Variants in KPNA1 observed in about 807,000 individuals in gnomAD.
KPNA1 encodes karyopherin subunit alpha 1, also known as importin subunit alpha-5.
Under a neutral mutation model 70.5 loss-of-function variants are expected in KPNA1, and 10 were observed. That is an observed-to-expected ratio of 0.14 (90% confidence interval 0.09 to 0.24). The LOEUF (loss-of-function observed/expected upper bound fraction) is 0.24, where lower values mean the gene tolerates loss of function less well. Ranked by LOEUF, KPNA1 falls within the 10% of genes least tolerant of loss-of-function variation. The pLI is 1.00. For synonymous variants in KPNA1, 192 were observed against 221.9 expected, an observed-to-expected ratio of 0.87 and a Z score of 1.20; for missense variants, 397 against 637.9, an observed-to-expected ratio of 0.62 and a Z score of 4.07.
Position 122,423,558 on chromosome 3 carries a change from GAGAA to G in KPNA1, c.*3423_*3426del, listed in dbSNP as rs1057073916. 2.4e-4 allele frequency: 36 copies of G among 152,464 alleles called. No homozygotes were observed. The highest frequency in any genetic ancestry group is 8.5e-4 in the African/African-American group (35 of 41,400). 9.4% of individuals were successfully genotyped at this position (152,464 alleles called of 1,614,324 possible). A position where few individuals can be genotyped will look rare whatever the true frequency, so the allele number is the denominator to read the frequency against. ...ATATAAAAATTTTCACAAAACTAGCGAGAAAGAAAAACCCCTTGACTCCAGGAAA... is the reference window on the plus strand; with the variant it reads ...ATATAAAAATTTTCACAAAACTAGCGAGAAAAACCCCTTGACTCCAGGAAA... On this transcript the variant is annotated 3_prime_UTR_variant, in exon 14 of 14. Coordinates refer to ENST00000344337, the MANE Select transcript of KPNA1 (RefSeq NM_002264.4).
intron 2 of KPNA1, among the ~76,000 whole-genome samples, chr3:122,471,784 G>T (rs896650102): frequency 1.3e-5 from 2 of 151,918 alleles, no homozygotes; most frequent in African/African-American, 2.4e-5. Context: ...CACAGGGCGA[G>T]ACTGTCTCAA....
At chr3:122,459,915 T>C in intron 5 of KPNA1, 1 of 985,372 alleles carries the variant, frequency 1.0e-6, no homozygotes, top group South Asian at 4.7e-5. Context: ...TCTATAATGG[T>C]GTAGACAGTA....
intron 2 of KPNA1, among the ~76,000 whole-genome samples, chr3:122,485,376 G>T (rs1439403748): frequency 1.3e-5 from 2 of 151,690 alleles, no homozygotes; most frequent in African/African-American, 4.8e-5. Context: ...ATGGTCAACG[G>T]TAAGTGTTTC....
chr3:122,430,724 G>A (rs1186043512), intron 12 of KPNA1, among the ~76,000 whole-genome samples: 1 of 152,108 alleles, frequency 6.6e-6, no homozygotes, highest in Admixed American at 6.5e-5. Context: ...GAATAGCAAA[G>A]GCAATTAAAT....
chr3:122,500,495 T>C (rs1449760770), intron 1 of KPNA1, among the ~76,000 whole-genome samples: 1 of 151,916 alleles, frequency 6.6e-6, no homozygotes, highest in African/African-American at 2.4e-5. Flanking sequence ...CTCTTTCATT[T>C]CTAATTTTTT....
intron 9 of KPNA1, among the ~76,000 whole-genome samples, chr3:122,446,997 A>G (rs888822611): frequency 2.0e-5 from 3 of 152,210 alleles, no homozygotes; most frequent in Non-Finnish European, 4.4e-5. Flanking sequence ...GAATAGACCA[A>G]TAACAGGCTC....
chr3:122,465,904 A>C (rs1014075024), intron 3 of KPNA1, among the ~76,000 whole-genome samples: 1 of 152,256 alleles, frequency 6.6e-6, no homozygotes, highest in Non-Finnish European at 1.5e-5. Flanking sequence ...TGTGCCCTAC[A>C]GATTTCACAC....
chr3:122,454,090 A>G, intron 5 of KPNA1, 89 bp from the exon 6 acceptor site: 1 of 853,526 alleles, frequency 1.2e-6, no homozygotes, highest in Non-Finnish European at 1.7e-6. Flanking sequence ...CATGAAAAAA[A>G]GATTCTGAGA....
In KPNA1 at chr3:122,425,257, T is replaced by C. The variant is rs2075807200; in HGVS notation, c.*1728A>G. On this transcript the variant is annotated 3_prime_UTR_variant, in exon 14 of 14. Transcript: ENST00000344337. Reference sequence around the variant, plus strand: ...AAATCAGGTCACATAAGTTGGCTGCTTAAATAACATCATGATGAGGTATGA... The same window carrying C: ...AAATCAGGTCACATAAGTTGGCTGCCTAAATAACATCATGATGAGGTATGA... 1 of 152,784 alleles carries C rather than the reference T, an allele frequency of 6.5e-6. No homozygotes were observed. The highest frequency in any genetic ancestry group is 2.4e-5 in the African/African-American group (1 of 41,574). 9.5% of individuals were successfully genotyped at this position (152,784 alleles called of 1,614,324 possible). A position where few individuals can be genotyped will look rare whatever the true frequency, so the allele number is the denominator to read the frequency against.
intron 1 of KPNA1, among the ~76,000 whole-genome samples, chr3:122,512,037 T>C (rs113103780): frequency 0.013 from 1,924 of 151,784 alleles, 17 homozygotes; most frequent in Admixed American, 0.02. Flanking sequence ...ATAAAGAAAA[T>C]AATGCAAGAA....
intron 3 of KPNA1, among the ~76,000 whole-genome samples, chr3:122,465,187 T>C (rs960825931): frequency 1.3e-5 from 2 of 152,232 alleles, no homozygotes; most frequent in Non-Finnish European, 2.9e-5. Flanking sequence ...CCCAAAGATT[T>C]TGCATCCTCT....
intron 12 of KPNA1, among the ~76,000 whole-genome samples, chr3:122,428,656 C>A (rs1036662399): frequency 7.9e-5 from 12 of 152,170 alleles, no homozygotes; most frequent in African/African-American, 2.9e-4. Context: ...TCTTGAAAGA[C>A]ACAAACCACC....
intron 1 of KPNA1, among the ~76,000 whole-genome samples, chr3:122,500,859 C>T (rs947118159): frequency 1.3e-5 from 2 of 151,662 alleles, no homozygotes; most frequent in African/African-American, 4.8e-5. Context: ...CAATTTTATT[C>T]ATCTTTAATG....
intron 2 of KPNA1, among the ~76,000 whole-genome samples, chr3:122,494,999 C>T (rs895549016): frequency 2.0e-5 from 3 of 151,982 alleles, no homozygotes; most frequent in African/African-American, 7.2e-5. Flanking sequence ...TTCCTGTAAT[C>T]CCAGCACTTT....
intron 1 of KPNA1, among the ~76,000 whole-genome samples, chr3:122,499,379 A>G (rs766562899): frequency 9.9e-5 from 15 of 152,180 alleles, no homozygotes; most frequent in Non-Finnish European, 1.9e-4. Flanking sequence ...TGACTGTTTT[A>G]TAATTAAAGA....
chr3:122,437,124 T>C, intron 11 of KPNA1, 46 bp downstream of exon 11: 5 of 1,586,476 alleles, frequency 3.2e-6, no homozygotes, highest in Admixed American at 3.7e-5. Flanking sequence ...AAAACCTTAC[T>C]TTTCAATAAA....
chr3:122,461,322 T>C lies in KPNA1; in HGVS notation c.338-4A>G, dbSNP rs1489941982. 1.3e-6 allele frequency: 2 copies of C among 1,598,060 alleles called. No individual in the cohort carries two copies. The highest frequency in any genetic ancestry group is 1.7e-6 in the Non-Finnish European group (2 of 1,169,720). Reference sequence around the variant, plus strand: ...TCATCAATAGGAGGGTTAGGTTCTGTTTCCCCATAAAATAAAAGAAAAAAA... The same window carrying C: ...TCATCAATAGGAGGGTTAGGTTCTGCTTCCCCATAAAATAAAAGAAAAAAA... On this transcript the variant is annotated splice_polypyrimidine_tract_variant and splice_region_variant and intron_variant, in intron 4 of 13. Coordinates refer to ENST00000344337, the MANE Select transcript of KPNA1 (RefSeq NM_002264.4).
chr3:122,505,590 C>T (rs2076881979), intron 1 of KPNA1, among the ~76,000 whole-genome samples: 1 of 151,740 alleles, frequency 6.6e-6, no homozygotes, highest in Non-Finnish European at 1.5e-5. Context: ...CAGAAGCCTT[C>T]AAAATTAAAG....
intron 2 of KPNA1, chr3:122,483,353 G>GT (rs201313311): frequency 0.029 from 4,432 of 154,464 alleles, 172 homozygotes; most frequent in Admixed American, 0.1. Context: ...GTTTTGTTTT[G>GT]TTTTTTTTAA....
Sources: allele counts gnomAD v4.1 joint callset (sites outside exome capture counted in the v4.1 genomes callset), GRCh38; gene constraint gnomAD v4.1.1; transcripts MANE v1.5; gene names NCBI Gene and HGNC (gene_info 2026-07-23, HGNC 2026-07-21).